The following LRRTM4 variants were observed in gnomAD, a reference collection of about 807,000 sequenced individuals.
LRRTM4 encodes the protein leucine-rich repeat transmembrane neuronal protein 4.
In LRRTM4, 25 loss-of-function variants were observed where a neutral mutation model predicts 47.6. The ratio of observed to expected loss-of-function variants is 0.53; its 90% CI spans 0.38 to 0.73. The LOEUF (loss-of-function observed/expected upper bound fraction) is 0.73. Ranked by LOEUF, LRRTM4 falls within the 30% of genes least tolerant of loss-of-function variation. The pLI, the probability that LRRTM4 is intolerant of heterozygous loss-of-function variation, is 0.00. For missense variants in LRRTM4, 638 were observed against 713.4 expected (o/e 0.89, Z 1.20); for synonymous variants, 311 against 269.5 (o/e 1.15, Z -1.51).
intron 3 of LRRTM4, among the ~76,000 whole-genome samples, chr2:76,803,590 A>G (rs1675813772): frequency 6.6e-6 from 1 of 152,202 alleles, no homozygotes; most frequent in African/African-American, 2.4e-5. Context: ...CAATACCGCT[A>G]CTGGGTACAT....
At chr2:77,185,720 AC>A (rs1673483344) in intron 3 of LRRTM4, among the ~76,000 whole-genome samples, 1 of 152,080 alleles carries the variant, frequency 6.6e-6, no homozygotes, top group Non-Finnish European at 1.5e-5. Context: ...CATCTTTTAA[AC>A]CTACACTATC....
At chr2:76,753,409 C>G (rs899644574) in intron 3 of LRRTM4, among the ~76,000 whole-genome samples, 8 of 152,170 alleles carry the variant, frequency 5.3e-5, no homozygotes, top group Admixed American at 4.6e-4. Flanking sequence ...TAGAGAGATG[C>G]TAGCACATGA....
chr2:77,473,802 A>T, intron 3 of LRRTM4, among the ~76,000 whole-genome samples: 1 of 152,114 alleles, frequency 6.6e-6, no homozygotes, highest in East Asian at 1.9e-4. Flanking sequence ...CTAATAAAGA[A>T]ATGAAGAAGA....
At chr2:77,495,228 C>T (rs928925247) in intron 3 of LRRTM4, among the ~76,000 whole-genome samples, 1 of 151,988 alleles carries the variant, frequency 6.6e-6, no homozygotes, top group Non-Finnish European at 1.5e-5. Flanking sequence ...AATGGCTTTC[C>T]AAAATGATTT....
Position 76,796,915 on chromosome 2 carries a change from A to T in LRRTM4, c.1552-47999T>A, listed in dbSNP as rs554262737. Among the ~76,000 whole-genome samples the T allele has an allele frequency of 8.0e-3, 1,216 of 152,184 alleles. 22 individuals are homozygous for T. The highest frequency in any genetic ancestry group is 0.028 in the African/African-American group (1,163 of 41,546). On this transcript the variant is annotated intron_variant, in intron 3 of 3. Transcript: ENST00000409884. ...TGAAGCGAGAAGGGAAGTTTAGAGA[A>T]AAAAGAATAAAAAGAAATGAGCAAA...
At chr2:77,159,882 G>A (rs1287907073) in intron 3 of LRRTM4, among the ~76,000 whole-genome samples, 1 of 152,154 alleles carries the variant, frequency 6.6e-6, no homozygotes, top group African/African-American at 2.4e-5. Flanking sequence ...TATCATGCAA[G>A]ACAGAATCAA....
At chr2:77,312,012 C>T (rs1405266590) in intron 3 of LRRTM4, among the ~76,000 whole-genome samples, 4 of 152,090 alleles carry the variant, frequency 2.6e-5, no homozygotes, top group African/African-American at 9.7e-5. Context: ...CTTTTGTCAT[C>T]CCTCAATATT....
intron 3 of LRRTM4, among the ~76,000 whole-genome samples, chr2:77,332,848 C>A (rs1573266902): frequency 6.6e-6 from 1 of 152,102 alleles, no homozygotes; most frequent in South Asian, 2.1e-4. Flanking sequence ...TTTGGAAGCT[C>A]TCACCTCACA....
At chr2:77,067,720 C>CACACAT (rs1282469763) in intron 3 of LRRTM4, among the ~76,000 whole-genome samples, 14 of 150,182 alleles carry the variant, frequency 9.3e-5, no homozygotes, top group African/African-American at 3.4e-4. Flanking sequence ...CACACACATA[C>CACACAT]ATATTTCAGG....
intron 3 of LRRTM4, among the ~76,000 whole-genome samples, chr2:77,095,218 G>A (rs1232032135): frequency 6.6e-6 from 1 of 152,184 alleles, no homozygotes; most frequent in Non-Finnish European, 1.5e-5. Context: ...CCTCATTAGT[G>A]ACAAAGTTAG....
chr2:77,489,643 T>C (rs1678060434), intron 3 of LRRTM4, among the ~76,000 whole-genome samples: 1 of 152,218 alleles, frequency 6.6e-6, no homozygotes, highest in Non-Finnish European at 1.5e-5. Flanking sequence ...AATAATTTAA[T>C]ATTTTAAAGC....
At chr2:77,211,368 C>T (rs993830752) in intron 3 of LRRTM4, among the ~76,000 whole-genome samples, 4 of 152,116 alleles carry the variant, frequency 2.6e-5, no homozygotes, top group Non-Finnish European at 4.4e-5. Context: ...TTCTCCTAGC[C>T]TCCTAATCAC....
intron 3 of LRRTM4, among the ~76,000 whole-genome samples, chr2:76,840,424 C>A (rs1473281642): frequency 6.6e-6 from 1 of 152,134 alleles, no homozygotes; most frequent in Admixed American, 6.6e-5. Context: ...CTCTTGGCAC[C>A]CAACAGGTGT....
chr2:77,486,265 C>G (rs1051799620), intron 3 of LRRTM4, among the ~76,000 whole-genome samples: 1 of 152,164 alleles, frequency 6.6e-6, no homozygotes, highest in African/African-American at 2.4e-5. Flanking sequence ...AATATATTAA[C>G]TAATGGATTT....
chr2:77,007,268 G>A (rs1204239119), intron 3 of LRRTM4, among the ~76,000 whole-genome samples: 1 of 151,996 alleles, frequency 6.6e-6, no homozygotes, highest in Non-Finnish European at 1.5e-5. Context: ...GAAGCACAGA[G>A]GATTGTGAGT....
intron 3 of LRRTM4, among the ~76,000 whole-genome samples, chr2:77,027,136 T>C (rs1573469186): frequency 1.3e-5 from 2 of 152,180 alleles, no homozygotes; most frequent in African/African-American, 2.4e-5. Flanking sequence ...TTTTACACGA[T>C]TTATGGACTA....
At chr2:76,771,698 A>G (rs1673719065) in intron 3 of LRRTM4, among the ~76,000 whole-genome samples, 1 of 152,014 alleles carries the variant, frequency 6.6e-6, no homozygotes, top group Non-Finnish European at 1.5e-5. Flanking sequence ...CTGGCCTGGA[A>G]GGCACATCAA....
intron 3 of LRRTM4, among the ~76,000 whole-genome samples, chr2:77,263,920 T>C (rs1402775961): frequency 6.6e-6 from 1 of 152,102 alleles, no homozygotes; most frequent in Non-Finnish European, 1.5e-5. Flanking sequence ...TGATACCTTT[T>C]CCTGATGGTG....
intron 3 of LRRTM4, among the ~76,000 whole-genome samples, chr2:76,832,859 G>A (rs199513175): frequency 6.6e-6 from 1 of 152,144 alleles, no homozygotes; most frequent in African/African-American, 2.4e-5. Context: ...GGAGGACTAG[G>A]AAAAGTCAAT....
Sources: allele counts gnomAD v4.1 joint callset (sites outside exome capture counted in the v4.1 genomes callset), GRCh38; gene constraint gnomAD v4.1.1; transcripts MANE v1.5; gene names NCBI Gene and HGNC (gene_info 2026-07-23, HGNC 2026-07-21).